SLC35F1: variants seen among roughly 807,000 people sequenced by gnomAD.
SLC35F1 encodes solute carrier family 35 member F1.
Under a neutral mutation model 48.7 loss-of-function variants are expected in SLC35F1, and 14 were observed. The observed-to-expected ratio is 0.29, with a 90% confidence interval of 0.19 to 0.45. SLC35F1 has a LOEUF of 0.45. Among genes scored for constraint, SLC35F1 ranks in the 20% least tolerant of loss-of-function variants. SLC35F1 has a pLI of 1.00. For missense variants in SLC35F1, 404 were observed against 500.0 expected (o/e 0.81, Z 1.83); for synonymous variants, 190 against 202.2 (o/e 0.94, Z 0.51).
At chr6:118,172,898 G>A (rs1400809225) in intron 2 of SLC35F1, among the ~76,000 whole-genome samples, 1 of 152,118 alleles carries the variant, frequency 6.6e-6, no homozygotes, top group East Asian at 1.9e-4. Context: ...GAAGCAACAG[G>A]TGAAACAGTT....
At chr6:118,235,193 T>G (rs543610379) in intron 2 of SLC35F1, among the ~76,000 whole-genome samples, 14 of 152,210 alleles carry the variant, frequency 9.2e-5, no homozygotes, top group Non-Finnish European at 2.1e-4. Flanking sequence ...CTGGTACACC[T>G]TTCCTTTCAT....
intron 2 of SLC35F1, among the ~76,000 whole-genome samples, chr6:118,194,177 G>A (rs1774770565): frequency 6.6e-6 from 1 of 152,118 alleles, no homozygotes; most frequent in African/African-American, 2.4e-5. Flanking sequence ...ACTGGATTTA[G>A]AGTGGAGTCC....
intron 1 of SLC35F1, among the ~76,000 whole-genome samples, chr6:118,146,022 T>G (rs1226464912): frequency 6.6e-6 from 1 of 152,126 alleles, no homozygotes; most frequent in Non-Finnish European, 1.5e-5. Context: ...ATGCTGAAGA[T>G]TTGAGGAAGC....
chr6:118,023,349 C>T (rs969754185), intron 1 of SLC35F1, among the ~76,000 whole-genome samples: 1 of 152,104 alleles, frequency 6.6e-6, no homozygotes, highest in East Asian at 1.9e-4. Context: ...GCTGAGACCC[C>T]TCTGAGAGTG....
chr6:118,157,416 G>C (rs1257406789), intron 2 of SLC35F1, among the ~76,000 whole-genome samples: 1 of 152,170 alleles, frequency 6.6e-6, no homozygotes, highest in African/African-American at 2.4e-5. Context: ...AGAGCCGCAG[G>C]ACTAATAGGA....
rs1196999569 is a variant in SLC35F1, at chr6:118,315,563, C to G, written c.*1311C>G. 1 of 151,922 alleles carries G rather than the reference C, an allele frequency of 6.6e-6. No individual in the cohort carries two copies. Among genetic ancestry groups the G allele is most frequent in the East Asian group, 1.9e-4 (1 of 5,158 alleles). The allele number at this position is 151,922 out of a possible 1,614,324, so 9.4% of individuals were successfully genotyped here. On this transcript the variant is annotated 3_prime_UTR_variant, in exon 8 of 8. Coordinates refer to ENST00000360388, the MANE Select transcript of SLC35F1 (RefSeq NM_001029858.4). Reference sequence around the variant, plus strand: ...CACACCATTCTCCTGCCTCAGCCTCCCGAGTAGCTGGGACTACAGGCACCT... The same window carrying G: ...CACACCATTCTCCTGCCTCAGCCTCGCGAGTAGCTGGGACTACAGGCACCT...
intron 1 of SLC35F1, among the ~76,000 whole-genome samples, chr6:118,045,485 G>T (rs892711505): frequency 2.0e-5 from 3 of 152,186 alleles, no homozygotes; most frequent in Non-Finnish European, 4.4e-5. Flanking sequence ...CTGAAGTCCA[G>T]AACTTTACTT....
At chr6:117,952,696 C>G (rs950566091) in intron 1 of SLC35F1, among the ~76,000 whole-genome samples, 1 of 152,054 alleles carries the variant, frequency 6.6e-6, no homozygotes, top group Non-Finnish European at 1.5e-5. Flanking sequence ...AGAAACACCC[C>G]AAAAGACAAA....
At chr6:118,071,184 G>A (rs1772718030) in intron 1 of SLC35F1, among the ~76,000 whole-genome samples, 1 of 142,732 alleles carries the variant, frequency 7.0e-6, no homozygotes, top group Non-Finnish European at 1.5e-5. Context: ...TATACTATGT[G>A]TGTATATACA....
At chr6:118,177,965 C>G (rs547883851) in intron 2 of SLC35F1, among the ~76,000 whole-genome samples, 1 of 152,008 alleles carries the variant, frequency 6.6e-6, no homozygotes, top group Non-Finnish European at 1.5e-5. Flanking sequence ...TGCTACCTGC[C>G]GTGGTAGTAC....
chr6:118,247,141 TATA>T (rs1447612300), intron 3 of SLC35F1, among the ~76,000 whole-genome samples: 1 of 152,258 alleles, frequency 6.6e-6, no homozygotes, highest in African/African-American at 2.4e-5. Context: ...CCCATCTTCT[TATA>T]CACTCTTACT....
intron 1 of SLC35F1, among the ~76,000 whole-genome samples, chr6:118,037,504 T>C (rs62431214): frequency 0.04 from 6,069 of 152,202 alleles, 192 homozygotes; most frequent in African/African-American, 0.082. Context: ...GCTATAACAA[T>C]TTGAATTTTG....
intron 1 of SLC35F1, among the ~76,000 whole-genome samples, chr6:118,142,640 A>G (rs140269805): frequency 1.3e-5 from 2 of 152,134 alleles, no homozygotes; most frequent in African/African-American, 4.8e-5. Flanking sequence ...ATAATATTTA[A>G]TTATGGTAAA....
At chr6:118,064,664 T>C (rs1772588782) in intron 1 of SLC35F1, among the ~76,000 whole-genome samples, 1 of 152,180 alleles carries the variant, frequency 6.6e-6, no homozygotes, top group Admixed American at 6.5e-5. Context: ...TGCTTAGATT[T>C]CAGACTTAAT....
intron 2 of SLC35F1, among the ~76,000 whole-genome samples, chr6:118,192,495 G>T (rs1038137295): frequency 1.3e-5 from 2 of 152,106 alleles, no homozygotes; most frequent in East Asian, 1.9e-4. Context: ...TTCCTTGCTT[G>T]TGAAGTTCAG....
chr6:118,208,345 T>C (rs183787894), intron 2 of SLC35F1, among the ~76,000 whole-genome samples: 1 of 152,292 alleles, frequency 6.6e-6, no homozygotes, highest in East Asian at 1.9e-4. Flanking sequence ...ATCCCTCTAA[T>C]ACAGAAACAC....
intron 1 of SLC35F1, chr6:117,999,279 C>G (rs1461331819): frequency 2.5e-6 from 4 of 1,596,142 alleles, no homozygotes; most frequent in Non-Finnish European, 3.4e-6. Context: ...GTTGCCCACC[C>G]CAAGCTTGGG....
intron 1 of SLC35F1, among the ~76,000 whole-genome samples, chr6:117,991,320 G>T (rs527661529): frequency 2.0e-5 from 3 of 151,520 alleles, no homozygotes; most frequent in African/African-American, 7.3e-5. Context: ...TGCTCTGCTG[G>T]TGCCCTGGCC....
intron 2 of SLC35F1, among the ~76,000 whole-genome samples, chr6:118,223,347 G>A (rs553436662): frequency 5.3e-4 from 81 of 152,188 alleles, no homozygotes; most frequent in South Asian, 2.5e-3. Flanking sequence ...CAGTTACTGC[G>A]AGCCAGACAC....
Sources: allele counts gnomAD v4.1 joint callset (sites outside exome capture counted in the v4.1 genomes callset), GRCh38; gene constraint gnomAD v4.1.1; transcripts MANE v1.5; gene names NCBI Gene and HGNC (gene_info 2026-07-23, HGNC 2026-07-21).